Variants in BTC observed in about 807,000 individuals in gnomAD.
BTC encodes the protein betacellulin.
BTC carries 13 observed loss-of-function variants against 18.1 expected under a neutral mutation model. The ratio of observed to expected loss-of-function variants is 0.72; its 90% confidence interval spans 0.47 to 1.14. BTC has a LOEUF of 1.14. BTC is among the 50% of genes most tolerant of loss of function. BTC has a pLI of 0.00. For synonymous variants in BTC, 83 were observed against 79.4 expected, an observed-to-expected ratio of 1.05 and a Z score of -0.24; for missense variants, 247 against 224.2, an observed-to-expected ratio of 1.10 and a Z score of -0.65.
chr4:74,782,499 T>C (rs1725359911), intron 1 of BTC, among the ~76,000 whole-genome samples: 1 of 152,212 alleles, frequency 6.6e-6, no homozygotes, highest in African/African-American at 2.4e-5. Context: ...ATCCAGTCTA[T>C]CACTGATGGG....
chr4:74,745,266 G>A lies in BTC; in HGVS notation c.*1411C>T, dbSNP rs1307054328. ...GGAGCTATTTATGTATCATATGTAA[G>A]TACAGCCCCAGCTTCACTCAAAACA... On this transcript the variant is annotated 3_prime_UTR_variant, in exon 6 of 6. Transcript: ENST00000395743. 6.6e-6 allele frequency: 1 copy of A among 152,166 alleles called. No individual in the cohort carries two copies. The highest frequency in any genetic ancestry group is 1.5e-5 in the Non-Finnish European group (1 of 68,032). 9.4% of individuals were successfully genotyped at this position (152,166 alleles called of 1,614,324 possible).
intron 4 of BTC, among the ~76,000 whole-genome samples, chr4:74,749,048 C>T (rs549057144): frequency 6.6e-6 from 1 of 152,280 alleles, no homozygotes; most frequent in Admixed American, 6.5e-5. Flanking sequence ...TGGTTTAACA[C>T]TCTTGTTTTA....
chr4:74,773,743 C>G (rs994967723), intron 1 of BTC, among the ~76,000 whole-genome samples: 2 of 151,916 alleles, frequency 1.3e-5, no homozygotes, highest in Admixed American at 1.3e-4. Flanking sequence ...ACCCAAGTAG[C>G]TGAGATTATA....
At chr4:74,786,007 T>C (rs921585455) in intron 1 of BTC, among the ~76,000 whole-genome samples, 1 of 152,172 alleles carries the variant, frequency 6.6e-6, no homozygotes, top group Non-Finnish European at 1.5e-5. Flanking sequence ...AATGAGATAA[T>C]GGGTATTAAA....
intron 2 of BTC, among the ~76,000 whole-genome samples, chr4:74,761,013 C>A (rs1205374444): frequency 5.3e-5 from 8 of 152,014 alleles, no homozygotes; most frequent in African/African-American, 1.9e-4. Flanking sequence ...GGATTACAGG[C>A]GTGAGCCAAT....
At chr4:74,763,620 G>T (rs1724822048) in intron 2 of BTC, among the ~76,000 whole-genome samples, 1 of 151,958 alleles carries the variant, frequency 6.6e-6, no homozygotes, top group African/African-American at 2.4e-5. Context: ...TTAACCTCCT[G>T]AATGGGAGAG....
intron 1 of BTC, 33 bp from the exon 2 acceptor site, chr4:74,770,189 T>A (rs1288989067): frequency 6.5e-7 from 1 of 1,543,458 alleles, no homozygotes; most frequent in Non-Finnish European, 8.8e-7. Flanking sequence ...AAATCAAACA[T>A]GAAAATTTGC....
rs115305313 is a variant in BTC, at chr4:74,751,238, A to C, written c.282-519T>G. Among the ~76,000 whole-genome samples the C allele has an allele frequency of 9.4e-3, 1,429 of 152,290 alleles. 26 individuals carry two copies. Among genetic ancestry groups the C allele is most frequent in the African/African-American group, 0.033 (1,364 of 41,552 alleles). On this transcript the variant is annotated intron_variant, in intron 3 of 5. Transcript: ENST00000395743. ...AAACGTTAGATAGAGAGAATGTTCC[A>C]TAAGTGTTATTTCTACAGAATTTCT...
intron 1 of BTC, among the ~76,000 whole-genome samples, chr4:74,792,008 A>ACACACACACACAC (rs1560728322): frequency 9.5e-6 from 1 of 105,362 alleles, no homozygotes; most frequent in South Asian, 3.1e-4. Flanking sequence ...CACACACACA[A>ACACACACACACAC]ACACTAGTGT....
chr4:74,781,286 C>A (rs1725317461), intron 1 of BTC, among the ~76,000 whole-genome samples: 1 of 151,972 alleles, frequency 6.6e-6, no homozygotes. Context: ...ACAGGGGAAA[C>A]CTTGGTTGAA....
intron 1 of BTC, among the ~76,000 whole-genome samples, chr4:74,774,850 A>G (rs577876434): frequency 6.6e-5 from 10 of 152,220 alleles, no homozygotes; most frequent in Admixed American, 2.6e-4. Context: ...TCCATTTTGA[A>G]AAGACTACTT....
intron 5 of BTC, among the ~76,000 whole-genome samples, chr4:74,747,020 G>C (rs1156756309): frequency 1.3e-5 from 2 of 152,218 alleles, no homozygotes; most frequent in African/African-American, 4.8e-5. Flanking sequence ...TGAGCAGAAA[G>C]AGGGAAATAA....
At chr4:74,763,423 G>A (rs1287794584) in intron 2 of BTC, among the ~76,000 whole-genome samples, 1 of 152,090 alleles carries the variant, frequency 6.6e-6, no homozygotes, top group Non-Finnish European at 1.5e-5. Context: ...CCCATGTAGA[G>A]ACTACAGTAT....
chr4:74,786,487 C>A (rs1049069315), intron 1 of BTC, among the ~76,000 whole-genome samples: 1 of 152,208 alleles, frequency 6.6e-6, no homozygotes, highest in Admixed American at 6.5e-5. Flanking sequence ...GCCTCCAAAG[C>A]GAAGCTATCT....
intron 3 of BTC, among the ~76,000 whole-genome samples, chr4:74,755,636 T>G (rs1724576511): frequency 6.6e-6 from 1 of 152,206 alleles, no homozygotes; most frequent in Admixed American, 6.5e-5. Context: ...AGCCCAGAAG[T>G]GGAGCTGGAC....
At chr4:74,754,706 A>T (rs1016332027) in intron 3 of BTC, among the ~76,000 whole-genome samples, 2 of 152,206 alleles carry the variant, frequency 1.3e-5, no homozygotes. Context: ...ACGAGTTTAA[A>T]TTTTACATTG....
chr4:74,786,225 T>A (rs2109918726), intron 1 of BTC, among the ~76,000 whole-genome samples: 1 of 152,310 alleles, frequency 6.6e-6, no homozygotes, highest in African/African-American at 2.4e-5. Flanking sequence ...AAGTGCTTAA[T>A]TCAGCTCTGA....
chr4:74,777,013 T>C (rs989725457), intron 1 of BTC, among the ~76,000 whole-genome samples: 1 of 152,160 alleles, frequency 6.6e-6, no homozygotes. Context: ...TATCAACCTA[T>C]GAACATAAGC....
intron 1 of BTC, among the ~76,000 whole-genome samples, chr4:74,778,441 A>G (rs1725234323): frequency 6.6e-6 from 1 of 152,182 alleles, no homozygotes; most frequent in Admixed American, 6.5e-5. Flanking sequence ...GGAAGAAAGG[A>G]AACGAAGCAA....
Sources: gnomAD v4.1 joint callset for allele counts (sites outside exome capture counted in the v4.1 genomes callset) on GRCh38, gnomAD v4.1.1 for gene constraint, MANE v1.5 for transcripts, NCBI Gene and HGNC (gene_info 2026-07-23, HGNC 2026-07-21) for gene names.